GAA: variants seen among roughly 807,000 people sequenced by gnomAD.
The protein encoded by GAA is alpha glucosidase.
GAA carries 88 observed loss-of-function variants against 103.9 expected under a neutral mutation model. That is an observed-to-expected ratio of 0.85 (90% CI 0.71 to 1.01). The LOEUF is 1.01. Ranked by LOEUF, GAA falls within the 50% of genes least tolerant of loss-of-function variation. The pLI is 0.00. For missense variants in GAA, 1,350 were observed against 1,305.3 expected (o/e 1.03, Z -0.53); for synonymous variants, 572 against 563.1 (o/e 1.02, Z -0.22).
rs550065979 is a variant in GAA, at chr17:80,109,975, G to T, written c.1357G>T (p.Gly453Trp). The change falls in exon 9 of 20, where the codon GGG becomes TGG. Residue 453 changes from glycine to tryptophan, a missense_variant. By Grantham distance (184) the Gly-to-Trp change is radical (BLOSUM62 -2). Transcript: ENST00000302262. ...TGCCATCAGCAGCTCGGGCCCTGCC[G>T]GGAGCTACAGGCCCTACGACGAGGG... is the stretch of plus-strand genomic sequence containing the variant. ...DPAISSSGPA[G>W]SYRPYDEGLR... The T allele has an allele frequency of 3.7e-6, 6 of 1,613,264 alleles. No homozygotes were observed. Among genetic ancestry groups the T allele is most frequent in the Non-Finnish European group, 5.1e-6 (6 of 1,179,936 alleles).
chr17:80,117,743 C>T lies in GAA; in HGVS notation c.2475C>T (p.Pro825=). ...ACCTCCGGGCTGGGTACATCATCCCCCTGCAGGTACCTGGGCCAGGCGGCT... is the reference window on the plus strand; with the variant it reads ...ACCTCCGGGCTGGGTACATCATCCCTCTGCAGGTACCTGGGCCAGGCGGCT... ...NVHLRAGYII[P]LQGPGLTTTE... The change falls in exon 17 of 20, where the codon CCC becomes CCT. Residue 825 remains proline (P), a synonymous_variant. Transcript: ENST00000302262. 3.1e-6 allele frequency: 5 copies of T among 1,608,358 alleles called. No homozygotes were observed. The South Asian group carries it at 5.5e-5, about 18-fold the overall frequency.
At chr17:80,113,420 G>A (rs1042737406) in intron 15 of GAA, 54 bp downstream of exon 15, 16 of 1,450,104 alleles carry the variant, frequency 1.1e-5, no homozygotes, top group Middle Eastern at 2.1e-4. Flanking sequence ...GGAGGGGCAC[G>A]TAACTCCCAG....
chr17:80,117,485 T>A, intron 16 of GAA, 115 bp from the exon 17 acceptor site: 1 of 1,240,536 alleles, frequency 8.1e-7, no homozygotes, highest in Non-Finnish European at 1.2e-6. Context: ...AGCCCGTCTG[T>A]GCCAGGCCTC....
At chr17:80,112,557 C>T (rs956049392) in intron 12 of GAA, 21 bp from the exon 13 acceptor site, 11 of 1,612,688 alleles carry the variant, frequency 6.8e-6, no homozygotes, top group East Asian at 2.2e-5. Context: ...ACAGCCCTCA[C>T]GGTGTCCCCC....
chr17:80,110,314 C>G lies in GAA; in HGVS notation c.1437+259C>G, dbSNP rs369203156. On this transcript the variant is annotated intron_variant, in intron 9 of 19. Coordinates refer to ENST00000302262, the MANE Select transcript of GAA (RefSeq NM_000152.5). ...CAAGCCCTGCAGACCCTCAGTGAGG[C>G]CTTAGGGTCCTCCTTGTCCTCCCAG... Among the ~76,000 whole-genome samples, 31 of 152,320 alleles carry G rather than the reference C, an allele frequency of 2.0e-4. No individual in the cohort carries two copies. In the East Asian group the frequency reaches 5.6e-3, roughly 28 times the overall value.
chr17:80,111,156 C>G, intron 11 of GAA, 131 bp downstream of exon 11: 1 of 897,584 alleles, frequency 1.1e-6, no homozygotes. Context: ...GGGGGGATCC[C>G]CAGGAGAAAG....
chr17:80,109,569 C>T (rs1370773721), intron 8 of GAA, among the ~76,000 whole-genome samples: 2 of 152,240 alleles, frequency 1.3e-5, no homozygotes, highest in African/African-American at 4.8e-5. Flanking sequence ...TCCATCCCTG[C>T]CTTCTGCAGG....
rs759782466 is a variant in GAA, at chr17:80,111,013, C to A, written c.1624C>A (p.Pro542Thr). The part of the protein sequence containing the change: ...GCPNNELENP[P>T]YVPGVVGGTL... ...CCCCAACAATGAGCTGGAGAACCCA[C>A]CCTACGTGCCTGGTCAGCTCGCCCC... is the stretch of plus-strand genomic sequence containing the variant. Residue 542 changes from proline to threonine, a missense_variant, in exon 11 of 20, where the codon CCC becomes ACC. By Grantham distance (38) the Pro-to-Thr change is conservative (BLOSUM62 -1). Coordinates refer to ENST00000302262, the MANE Select transcript of GAA (RefSeq NM_000152.5). 2 of 1,613,856 alleles carry A rather than the reference C, an allele frequency of 1.2e-6. No homozygotes were observed.
chr17:80,112,033 C>T lies in GAA; in HGVS notation c.1687C>T (p.Gln563Ter), dbSNP rs1057516426. The change falls in exon 12 of 20, where the codon CAG becomes TAG. Residue 563 changes from glutamine (Q) to a stop codon, truncating the protein, a stop_gained. Coordinates refer to ENST00000302262, the MANE Select transcript of GAA (RefSeq NM_000152.5). LOFTEE classifies it high-confidence loss of function. ...QAATICASSHQFLSTHYNLHN... is the reference protein window; with the variant it reads ...QAATICASSH Reference sequence around the variant, plus strand: ...GGCCACCATCTGTGCCTCCAGCCACCAGTTTCTCTCCACACACTACAACCT... The same window carrying T: ...GGCCACCATCTGTGCCTCCAGCCACTAGTTTCTCTCCACACACTACAACCT... 7.4e-6 allele frequency: 12 copies of T among 1,614,052 alleles called. No homozygotes were observed. The highest frequency in any genetic ancestry group is 1.0e-5 in the Non-Finnish European group (12 of 1,179,952).
In GAA at chr17:80,118,943, G is replaced by C. The variant is rs1035986107; in HGVS notation, c.2799+138G>C. 88 of 1,084,176 alleles carry C rather than the reference G, an allele frequency of 8.1e-5. 4 individuals carry two copies. Among genetic ancestry groups the C allele is most frequent in the Non-Finnish European group, 2.3e-5 (17 of 738,072 alleles). 67.2% of individuals were successfully genotyped at this position (1,084,176 alleles called of 1,614,324 possible). The stretch of plus-strand genomic sequence containing the variant: ...CCAAGGGGGTCTTTGGGGAGGAGTG[G>C]GAAGGGTCAGGCCACACAGGCTGTG... On this transcript the variant is annotated intron_variant, in intron 19 of 19. Transcript: ENST00000302262.
rs762886927 is a variant in GAA, at chr17:80,117,639, G to T, written c.2371G>T (p.Ala791Ser). The T allele has an allele frequency of 6.2e-7, 1 of 1,612,856 alleles. No homozygotes were observed. Among genetic ancestry groups the T allele is most frequent in the Non-Finnish European group, 8.5e-7 (1 of 1,179,950 alleles). ...EALGSLPPPP[A>S]APREPAIHSE... The stretch of plus-strand genomic sequence containing the variant: ...CCTTGGCAGCCTCCCACCCCCACCT[G>T]CAGCTCCCCGTGAGCCAGCCATCCA... The change falls in exon 17 of 20, where the codon GCA becomes TCA. Residue 791 changes from alanine (A) to serine (S), a missense_variant. Physicochemically the swap from Ala to Ser is moderately conservative, Grantham distance 99. Transcript: ENST00000302262.
Position 80,104,866 on chromosome 17 carries a change from CCT to C in GAA, c.281_282del (p.Pro94ArgfsTer51), listed in dbSNP as rs1057516503. The C allele has an allele frequency of 1.2e-6, 2 of 1,613,022 alleles. No homozygotes were observed. Among genetic ancestry groups the C allele is most frequent in the Admixed American group, 3.3e-5 (2 of 60,004 alleles). On this transcript the variant is annotated frameshift_variant, in exon 2 of 20. Transcript: ENST00000302262. LOFTEE classifies it high-confidence loss of function. This position sits in a 1 kb window ranked among gnomAD's most constrained non-coding sequence, Gnocchi z 4.0. ...CCCCAACAGCCGCTTCGATTGCGCC[CCT>C]GACAAGGCCATCACCCAGGAACAGT... ...VPPNSRFDCAPDKAITQEQCE... is the reference protein window; with the variant it reads ...VPPNSRFDCAXDKAITQEQCE...
chr17:80,109,110 T>C (rs2039168867), intron 8 of GAA, among the ~76,000 whole-genome samples: 1 of 152,172 alleles, frequency 6.6e-6, no homozygotes, highest in Non-Finnish European at 1.5e-5. Flanking sequence ...CATGATAAAC[T>C]GATGTCACCT....
At chr17:80,107,763 G>A (rs1175875438) in intron 4 of GAA, 37 bp from the exon 5 acceptor site, 2 of 1,609,546 alleles carry the variant, frequency 1.2e-6, no homozygotes, top group African/African-American at 1.3e-5. Context: ...GAGCTGGGGA[G>A]CGCAGGTGCT....
intron 19 of GAA, 131 bp from the exon 20 acceptor site, chr17:80,119,141 G>T (rs930553615): frequency 6.2e-6 from 6 of 964,778 alleles, no homozygotes; most frequent in African/African-American, 4.8e-5. Flanking sequence ...AGGGCCAGAC[G>T]GAGCTGCCCC....
At chr17:80,106,090 T>C (rs143787797) in intron 3 of GAA, among the ~76,000 whole-genome samples, 196 bp downstream of exon 3, 67 of 152,302 alleles carry the variant, frequency 4.4e-4, no homozygotes, top group African/African-American at 1.4e-3. Context: ...CTAAATCCCA[T>C]GTAAACACGT....
intron 3 of GAA, among the ~76,000 whole-genome samples, chr17:80,107,260 G>A (rs2039108459): frequency 6.6e-6 from 1 of 152,240 alleles, no homozygotes; most frequent in Admixed American, 6.5e-5. Flanking sequence ...ATGTGTGCCA[G>A]TTCCGGTACC....
chr17:80,113,093 C>A, intron 14 of GAA, 66 bp downstream of exon 14: 1 of 1,432,604 alleles, frequency 7.0e-7, no homozygotes, highest in Non-Finnish European at 9.4e-7. Context: ...CCCTGGGAAT[C>A]CCACCCCTGC....
intron 1 of GAA, chr17:80,102,304 G>A (rs937534329): frequency 6.6e-6 from 1 of 152,216 alleles, no homozygotes; most frequent in African/African-American, 2.4e-5. Context: ...CCAGGCCAGG[G>A]GTGACTGTCT....
Sources: gnomAD v4.1 joint callset for allele counts (sites outside exome capture counted in the v4.1 genomes callset) on GRCh38, gnomAD v4.1.1 for gene constraint, Gnocchi (gnomAD v3.1) non-coding constraint, MANE v1.5 for transcripts, NCBI Gene and HGNC (gene_info 2026-07-23, HGNC 2026-07-21) for gene names.